CD44: variants seen among roughly 807,000 people sequenced by gnomAD.
The protein encoded by CD44 is CD44 molecule (IN blood group).
Under a neutral mutation model 88.8 loss-of-function variants are expected in CD44, and 49 were observed. The ratio of observed to expected loss-of-function variants is 0.55; its 90% CI spans 0.44 to 0.70. The LOEUF is 0.70. Ranked by LOEUF, CD44 falls within the 30% of genes least tolerant of loss-of-function variation. CD44 has a pLI of 0.00. For missense variants in CD44, 883 were observed against 913.8 expected (o/e 0.97, Z 0.43); for synonymous variants, 325 against 312.3 (o/e 1.04, Z -0.43).
rs777829505 is a variant in CD44, at chr11:35,229,164, G to A, written c.2060G>A (p.Gly687Asp). Residue 687 changes from glycine (G) to aspartate (D), a missense_variant, in exon 18 of 18, where the codon GGC becomes GAC. Physicochemically the swap from Gly to Asp is moderately conservative, Grantham distance 94. Coordinates refer to ENST00000428726, the MANE Select transcript of CD44 (RefSeq NM_000610.4). ...GQKKKLVINS[G>D]NGAVEDRKPS... The stretch of plus-strand genomic sequence containing the variant: ...AAGAAAAAGCTAGTGATCAACAGTG[G>A]CAATGGAGCTGTGGAGGACAGAAAG... 2.1e-5 allele frequency: 34 copies of A among 1,613,926 alleles called. No homozygotes were observed. The highest frequency in any genetic ancestry group is 3.4e-6 in the Non-Finnish European group (4 of 1,179,958).
rs753358244 is a variant in CD44, at chr11:35,214,838, A to G, written c.1811-14A>G. ...AAAACATGCAGTACTGACCTTCCTG[A>G]TTGCTCATTACAGGAGACCAAGACA... is the stretch of plus-strand genomic sequence containing the variant. On this transcript the variant is annotated splice_polypyrimidine_tract_variant and intron_variant, in intron 14 of 17. Transcript: ENST00000428726. The G allele has an allele frequency of 1.3e-6, 2 of 1,502,146 alleles. No individual in the cohort carries two copies. Among genetic ancestry groups the G allele is most frequent in the Admixed American group, 4.3e-5 (2 of 46,802 alleles). The allele number at this position is 1,502,146 out of a possible 1,614,324, so 93.1% of individuals were successfully genotyped here. A position where few individuals can be genotyped will look rare whatever the true frequency, so the allele number is the denominator to read the frequency against.
At chr11:35,218,156 A>T (rs1336449335) in intron 15 of CD44, among the ~76,000 whole-genome samples, 2 of 151,808 alleles carry the variant, frequency 1.3e-5, no homozygotes, top group African/African-American at 4.8e-5. Context: ...TGACTTGAGG[A>T]TTGTCTGTCT....
intron 1 of CD44, among the ~76,000 whole-genome samples, chr11:35,173,291 G>A (rs1441032903): frequency 6.6e-6 from 1 of 152,196 alleles, no homozygotes; most frequent in Non-Finnish European, 1.5e-5. Flanking sequence ...TTTTTCTTTT[G>A]TGTGCTGGAC....
intron 15 of CD44, among the ~76,000 whole-genome samples, chr11:35,216,704 G>C (rs774559805): frequency 7.9e-5 from 12 of 152,108 alleles, no homozygotes; most frequent in Admixed American, 6.5e-5. Context: ...AAAGTACTCT[G>C]AAAAAGTAGG....
At chr11:35,200,028 G>A (rs1947167559) in intron 7 of CD44, among the ~76,000 whole-genome samples, 1 of 138,540 alleles carries the variant, frequency 7.2e-6, no homozygotes, top group Admixed American at 8.0e-5. Flanking sequence ...TTTCTGCTTA[G>A]CACCTATGGA....
At chr11:35,158,353 G>A (rs1430057619) in intron 1 of CD44, among the ~76,000 whole-genome samples, 1 of 152,182 alleles carries the variant, frequency 6.6e-6, no homozygotes, top group Non-Finnish European at 1.5e-5. Flanking sequence ...TGCTTAGAAA[G>A]CCGTATGAAT....
chr11:35,182,042 T>C (rs993989051), intron 3 of CD44, among the ~76,000 whole-genome samples: 1 of 131,792 alleles, frequency 7.6e-6, no homozygotes, highest in African/African-American at 2.9e-5. Flanking sequence ...TACACATTTA[T>C]ATATATAAAA....
rs895495811 is a variant in CD44 at position 35,230,646 on chromosome 11, A to G, written c.*1313A>G. 2 of 152,230 alleles carry G rather than the reference A, an allele frequency of 1.3e-5. No homozygotes were observed. The highest frequency in any genetic ancestry group is 2.9e-5 in the Non-Finnish European group (2 of 68,038). The allele number at this position is 152,230 out of a possible 1,614,324, so 9.4% of individuals were successfully genotyped here. A position where few individuals can be genotyped will look rare whatever the true frequency, so the allele number is the denominator to read the frequency against. On this transcript the variant is annotated 3_prime_UTR_variant, in exon 18 of 18. Coordinates refer to ENST00000428726, the MANE Select transcript of CD44 (RefSeq NM_000610.4). ...CCCTCAAAAGGTTAAAGGGATTCCC[A>G]TCATTGGAATCTTATCACCAGATAG...
Position 35,206,154 on chromosome 11 carries a change from CA to C in CD44, c.1326del (p.Pro443GlnfsTer37). 1 of 1,612,072 alleles carries C rather than the reference CA, an allele frequency of 6.2e-7. No individual in the cohort carries two copies. Among genetic ancestry groups the C allele is most frequent in the Non-Finnish European group, 8.5e-7 (1 of 1,179,002 alleles). On this transcript the variant is annotated frameshift_variant, in exon 11 of 18. Coordinates refer to ENST00000428726, the MANE Select transcript of CD44 (RefSeq NM_000610.4). LOFTEE classifies it high-confidence loss of function. Reference sequence around the variant, plus strand: ...AGCCATCCAATGCAAGGAAGGACAACACCAAGCCCAGAGGACAGTTCCTGGA... The same window carrying C: ...AGCCATCCAATGCAAGGAAGGACAACCCAAGCCCAGAGGACAGTTCCTGGA... ...HTSHPMQGRT[T>X]PSPEDSSWTD...
Position 35,231,248 on chromosome 11 carries a change from G to A in CD44, c.*1915G>A, listed in dbSNP as rs1403105670. ...TTGTTACTGCCACTAGTGTTCAAGT[G>A]CCTCTTGTTTTCCCAGAGATTTCCT... On this transcript the variant is annotated 3_prime_UTR_variant, in exon 18 of 18. Transcript: ENST00000428726. 1 of 152,416 alleles carries A rather than the reference G, an allele frequency of 6.6e-6. No individual in the cohort carries two copies. Among genetic ancestry groups the A allele is most frequent in the Non-Finnish European group, 1.5e-5 (1 of 68,048 alleles). 9.4% of individuals were successfully genotyped at this position (152,416 alleles called of 1,614,324 possible).
chr11:35,232,025 A>G lies in CD44; in HGVS notation c.*2692A>G, dbSNP rs1591379803. On this transcript the variant is annotated 3_prime_UTR_variant, in exon 18 of 18. Coordinates refer to ENST00000428726, the MANE Select transcript of CD44 (RefSeq NM_000610.4). ...ATTGAGATTCATAACAACACCAAGA[A>G]TTGATTTTGTAGCCAACATTCATTC... The G allele has an allele frequency of 6.6e-6, 1 of 152,230 alleles. No homozygotes were observed. Among genetic ancestry groups the G allele is most frequent in the African/African-American group, 2.4e-5 (1 of 41,464 alleles). The allele number at this position is 152,230 out of a possible 1,614,324, so 9.4% of individuals were successfully genotyped here. A position where few individuals can be genotyped will look rare whatever the true frequency, so the allele number is the denominator to read the frequency against.
rs1317870581 is a variant in CD44 at position 35,230,326 on chromosome 11, C to T, written c.*993C>T. Reference sequence around the variant, plus strand: ...TTTTATGGTTTAATGGCCACCTGTTCTCTCCTGTGAAAGGCTTTGCAAAGT... The same window carrying T: ...TTTTATGGTTTAATGGCCACCTGTTTTCTCCTGTGAAAGGCTTTGCAAAGT... On this transcript the variant is annotated 3_prime_UTR_variant, in exon 18 of 18. Coordinates refer to ENST00000428726, the MANE Select transcript of CD44 (RefSeq NM_000610.4). 1 of 151,800 alleles carries T rather than the reference C, an allele frequency of 6.6e-6. No homozygotes were observed. Among genetic ancestry groups the T allele is most frequent in the Non-Finnish European group, 1.5e-5 (1 of 68,000 alleles). The allele number at this position is 151,800 out of a possible 1,614,324, so 9.4% of individuals were successfully genotyped here. A position where few individuals can be genotyped will look rare whatever the true frequency, so the allele number is the denominator to read the frequency against.
At chr11:35,189,471 T>C (rs1229017488) in intron 4 of CD44, among the ~76,000 whole-genome samples, 1 of 152,258 alleles carries the variant, frequency 6.6e-6, no homozygotes, top group Non-Finnish European at 1.5e-5. Context: ...TGATTATTTA[T>C]TGAGCATCCA....
At chr11:35,221,524 C>T in intron 16 of CD44, 130 bp from the exon 17 acceptor site, 1 of 759,010 alleles carries the variant, frequency 1.3e-6, no homozygotes, top group Non-Finnish European at 2.4e-6. Flanking sequence ...TTGGCTGGAC[C>T]TATTGGCCAG....
At chr11:35,175,356 C>T (rs146297085) in intron 1 of CD44, among the ~76,000 whole-genome samples, 24 of 152,242 alleles carry the variant, frequency 1.6e-4, no homozygotes, top group Middle Eastern at 6.8e-3. Context: ...TGAAAAAATG[C>T]TCATAACATA....
intron 1 of CD44, among the ~76,000 whole-genome samples, chr11:35,154,135 T>C (rs1941543312): frequency 6.6e-6 from 1 of 152,132 alleles, no homozygotes; most frequent in African/African-American, 2.4e-5. Flanking sequence ...CTGGGGAAAA[T>C]TCATAATTTA....
chr11:35,220,024 G>A (rs1185746986), intron 16 of CD44, among the ~76,000 whole-genome samples: 2 of 152,190 alleles, frequency 1.3e-5, no homozygotes, highest in Non-Finnish European at 2.9e-5. Flanking sequence ...AAATTGATTT[G>A]TCATAGAGAA....
At chr11:35,216,018 C>A (rs1948805394) in intron 15 of CD44, among the ~76,000 whole-genome samples, 1 of 151,246 alleles carries the variant, frequency 6.6e-6, no homozygotes. Flanking sequence ...GATGAGGAAA[C>A]TAAGGCTCAG....
intron 14 of CD44, among the ~76,000 whole-genome samples, chr11:35,211,673 C>CGT (rs1948401030): frequency 1.3e-5 from 1 of 77,130 alleles, no homozygotes; most frequent in African/African-American, 7.7e-5. Flanking sequence ...TCTGTGTTTG[C>CGT]ATGTGTGTGT....
Sources: allele counts gnomAD v4.1 joint callset (sites outside exome capture counted in the v4.1 genomes callset), GRCh38; gene constraint gnomAD v4.1.1; transcripts MANE v1.5; gene names NCBI Gene and HGNC (gene_info 2026-07-23, HGNC 2026-07-21).